SOX5: variants seen among roughly 807,000 people sequenced by gnomAD.
SOX5 encodes transcription factor SOX-5.
SOX5 carries 9 observed loss-of-function variants against 92.0 expected under a neutral mutation model. That is an observed-to-expected ratio of 0.10 (90% CI 0.06 to 0.17). The LOEUF (loss-of-function observed/expected upper bound fraction) is 0.17. Ranked by LOEUF, SOX5 falls within the 10% of genes least tolerant of loss-of-function variation. SOX5 has a pLI of 1.00. For synonymous variants in SOX5, 344 were observed against 336.3 expected, an observed-to-expected ratio of 1.02 and a Z score of -0.25; for missense variants, 642 against 944.5, an observed-to-expected ratio of 0.68 and a Z score of 4.20.
chr12:24,041,272 T>C (rs1158780867), intron 4 of SOX5, among the ~76,000 whole-genome samples: 4 of 152,198 alleles, frequency 2.6e-5, no homozygotes, highest in Admixed American at 6.5e-5. Context: ...AATTGAGTGA[T>C]ACTAATCTTA....
At chr12:23,664,153 G>C (rs1280395384) in intron 7 of SOX5, among the ~76,000 whole-genome samples, 1 of 151,996 alleles carries the variant, frequency 6.6e-6, no homozygotes, top group African/African-American at 2.4e-5. Context: ...ATACGATATA[G>C]AGAAAGATTT....
chr12:23,697,058 C>A (rs1437109920), intron 6 of SOX5, among the ~76,000 whole-genome samples: 1 of 152,050 alleles, frequency 6.6e-6, no homozygotes, highest in Non-Finnish European at 1.5e-5. Flanking sequence ...AAGAATTATT[C>A]TTCTGTTGTT....
rs576628371 is a variant in SOX5 at position 24,075,472 on chromosome 12, G to A, written c.-2+137871C>T. On this transcript the variant is annotated intron_variant, in intron 4 of 4. Transcript: ENST00000446891. ...AGCTATGACCTACATTATCTGGACC[G>A]TAGGAAAAATGTAAAAAAATATTTA... Among the ~76,000 whole-genome samples, 14 of 152,018 alleles carry A rather than the reference G, an allele frequency of 9.2e-5. 1 individual carries two copies. Among genetic ancestry groups the A allele is most frequent in the Admixed American group, 5.2e-4 (8 of 15,262 alleles).
intron 1 of SOX5, among the ~76,000 whole-genome samples, chr12:24,452,031 C>T (rs1339332547): frequency 2.0e-5 from 3 of 152,202 alleles, no homozygotes; most frequent in Non-Finnish European, 2.9e-5. Context: ...GGCCCAAACA[C>T]ATGTTCTGAC....
intron 6 of SOX5, among the ~76,000 whole-genome samples, chr12:23,722,035 T>C (rs370342836): frequency 1.3e-5 from 2 of 152,230 alleles, no homozygotes; most frequent in East Asian, 1.9e-4. Flanking sequence ...GTCCAAAAAA[T>C]ACAAAATTGT....
intron 4 of SOX5, among the ~76,000 whole-genome samples, chr12:23,982,611 A>C (rs1483574421): frequency 6.6e-6 from 1 of 152,120 alleles, no homozygotes; most frequent in Non-Finnish European, 1.5e-5. Flanking sequence ...TGGAGCTTTT[A>C]TGTTACCTAC....
At chr12:24,539,683 T>C (rs1951947309) in intron 1 of SOX5, among the ~76,000 whole-genome samples, 1 of 152,074 alleles carries the variant, frequency 6.6e-6, no homozygotes, top group Admixed American at 6.6e-5. Flanking sequence ...TAAGTCTCTC[T>C]GGCAAACATT....
intron 3 of SOX5, among the ~76,000 whole-genome samples, chr12:23,810,580 C>T (rs2095859565): frequency 1.3e-5 from 2 of 152,022 alleles, no homozygotes; most frequent in South Asian, 4.1e-4. Context: ...CAAGGTAGGC[C>T]AAAGGAAAAA....
chr12:23,788,253 T>C (rs2095415298), intron 3 of SOX5, among the ~76,000 whole-genome samples: 1 of 152,002 alleles, frequency 6.6e-6, no homozygotes, highest in Non-Finnish European at 1.5e-5. Flanking sequence ...GTAGCAAATG[T>C]AAACCTAAGG....
intron 2 of SOX5, among the ~76,000 whole-genome samples, chr12:23,868,650 T>A (rs902738252): frequency 3.3e-5 from 5 of 152,094 alleles, no homozygotes; most frequent in Non-Finnish European, 7.4e-5. Flanking sequence ...ATAAGCCAAG[T>A]ACCAGCCAAC....
chr12:24,303,293 A>C (rs574020485), intron 2 of SOX5, among the ~76,000 whole-genome samples: 3 of 152,246 alleles, frequency 2.0e-5, no homozygotes, highest in South Asian at 4.1e-4. Context: ...TCTCCTACCC[A>C]AAAGTTAATA....
intron 8 of SOX5, among the ~76,000 whole-genome samples, chr12:23,628,901 T>G (rs2138347402): frequency 6.6e-6 from 1 of 152,082 alleles, no homozygotes; most frequent in Admixed American, 6.6e-5. Context: ...GAAATTGTCA[T>G]GTGGTTTTTC....
chr12:24,402,574 C>G (rs1291398202), intron 1 of SOX5, among the ~76,000 whole-genome samples: 2 of 152,080 alleles, frequency 1.3e-5, no homozygotes, highest in Admixed American at 1.3e-4. Context: ...TTAGGAGGTT[C>G]TAAAGCTTAT....
chr12:24,301,721 G>A (rs759505148), intron 2 of SOX5, among the ~76,000 whole-genome samples: 9 of 152,066 alleles, frequency 5.9e-5, no homozygotes, highest in African/African-American at 1.7e-4. Flanking sequence ...GCATGAGTGC[G>A]CACACGTAAA....
intron 4 of SOX5, among the ~76,000 whole-genome samples, chr12:24,207,368 A>G (rs1311486488): frequency 1.3e-5 from 2 of 152,136 alleles, no homozygotes; most frequent in South Asian, 2.1e-4. Flanking sequence ...CGTTCAACCA[A>G]TGAAAATACT....
At chr12:23,709,297 A>C (rs2091796028) in intron 6 of SOX5, among the ~76,000 whole-genome samples, 1 of 151,766 alleles carries the variant, frequency 6.6e-6, no homozygotes, top group Admixed American at 6.6e-5. Flanking sequence ...GGAGATGGGG[A>C]TCTCCCTGTG....
At chr12:23,655,393 T>G (rs1466244298) in intron 7 of SOX5, among the ~76,000 whole-genome samples, 1 of 152,184 alleles carries the variant, frequency 6.6e-6, no homozygotes, top group Non-Finnish European at 1.5e-5. Context: ...TAGAATACTA[T>G]GTCTACATTT....
At chr12:24,200,336 T>A (rs1448373878) in intron 4 of SOX5, among the ~76,000 whole-genome samples, 4 of 152,190 alleles carry the variant, frequency 2.6e-5, no homozygotes, top group African/African-American at 9.7e-5. Context: ...CTCTCAATCA[T>A]TGGTGATTAG....
At position 24,459,162 on chromosome 12, in the gene SOX5, C is replaced by T. The variant is rs541604426; in HGVS notation, c.-250-90523G>A. Among the ~76,000 whole-genome samples, 5 of 152,296 alleles carry T rather than the reference C, an allele frequency of 3.3e-5. No individual in the cohort carries two copies. The East Asian group carries it at 5.8e-4, about 18-fold the overall frequency. On this transcript the variant is annotated intron_variant, in intron 1 of 4. Coordinates refer to the SOX5 transcript ENST00000446891. ...CTTTCTTACAGAAATATATGCCCCA[C>T]TTAAGGTCCTTTGTCACGAAGTGCT... is the stretch of plus-strand genomic sequence containing the variant.
Sources: allele counts gnomAD v4.1 joint callset (sites outside exome capture counted in the v4.1 genomes callset), GRCh38; gene constraint gnomAD v4.1.1; transcripts MANE v1.5; gene names NCBI Gene and HGNC (gene_info 2026-07-23, HGNC 2026-07-21).